UTRN: variants seen among roughly 807,000 people sequenced by gnomAD.
UTRN encodes dystrophin-related protein 1.
A neutral mutation model predicts 463.9 loss-of-function variants in UTRN; 283 were observed. That is an observed-to-expected ratio of 0.61 (90% CI 0.55 to 0.67). UTRN has a LOEUF of 0.67. Ranked by LOEUF, UTRN falls within the 30% of genes least tolerant of loss-of-function variation. The pLI is 0.00. For synonymous variants in UTRN, 1,442 were observed against 1,431.5 expected (o/e 1.01, Z -0.17); for missense variants, 3,922 against 4,084.3 (o/e 0.96, Z 1.08).
chr6:144,522,262 T>A, intron 40 of UTRN, 91 bp downstream of exon 40: 1 of 1,049,864 alleles, frequency 9.5e-7, no homozygotes. Flanking sequence ...ATGGTCTATA[T>A]CTTTTACAAT....
intron 34 of UTRN, among the ~76,000 whole-genome samples, chr6:144,502,593 A>G (rs774867438): frequency 4.6e-5 from 7 of 152,162 alleles, no homozygotes; most frequent in Admixed American, 2.6e-4. Flanking sequence ...ATGAACTCAC[A>G]TTTTTAATAG....
At chr6:144,754,569 C>A in intron 56 of UTRN, 151 bp from the exon 57 acceptor site, 1 of 294,016 alleles carries the variant, frequency 3.4e-6, no homozygotes, top group Non-Finnish European at 6.0e-6. Context: ...ACTCTGATAC[C>A]AGAGACAGAG....
At chr6:144,639,856 T>C (rs1015924037) in intron 51 of UTRN, among the ~76,000 whole-genome samples, 5 of 152,194 alleles carry the variant, frequency 3.3e-5, no homozygotes, top group African/African-American at 9.7e-5. Context: ...AAGCAGACTT[T>C]CCAGGGAAGA....
chr6:144,315,269 G>C (rs1775207675), intron 2 of UTRN, among the ~76,000 whole-genome samples: 1 of 152,210 alleles, frequency 6.6e-6, no homozygotes, highest in Admixed American at 6.5e-5. Flanking sequence ...GCGGGGTCAG[G>C]AAGTGGGGTC....
At chr6:144,307,118 A>G (rs1805812745) in intron 2 of UTRN, among the ~76,000 whole-genome samples, 1 of 152,026 alleles carries the variant, frequency 6.6e-6, no homozygotes, top group Non-Finnish European at 1.5e-5. Flanking sequence ...GTATTTTCTG[A>G]GATATTTTTG....
intron 51 of UTRN, among the ~76,000 whole-genome samples, chr6:144,614,992 C>G (rs935020869): frequency 6.6e-6 from 1 of 152,058 alleles, no homozygotes; most frequent in Non-Finnish European, 1.5e-5. Flanking sequence ...AACAAACCCC[C>G]CTCTTTCCCG....
chr6:144,655,183 A>G (rs577158399), intron 51 of UTRN, among the ~76,000 whole-genome samples: 2 of 152,290 alleles, frequency 1.3e-5, no homozygotes, highest in Admixed American at 1.3e-4. Context: ...TCATCAGGGG[A>G]CTCAGGCCTC....
At chr6:144,380,111 T>C (rs1317666856) in intron 2 of UTRN, among the ~76,000 whole-genome samples, 2 of 152,180 alleles carry the variant, frequency 1.3e-5, no homozygotes, top group Non-Finnish European at 2.9e-5. Flanking sequence ...ATGATTGTTA[T>C]TGAAATGCTT....
intron 3 of UTRN, among the ~76,000 whole-genome samples, chr6:144,414,499 T>C (rs1199551409): frequency 6.6e-6 from 1 of 152,264 alleles, no homozygotes; most frequent in East Asian, 1.9e-4. Context: ...ATTAAAGAAA[T>C]TGAAAAATTT....
chr6:144,430,914 G>A (rs1424811055), intron 9 of UTRN, among the ~76,000 whole-genome samples: 1 of 151,862 alleles, frequency 6.6e-6, no homozygotes, highest in Admixed American at 6.6e-5. Flanking sequence ...TTCAAAAATA[G>A]TGTGATTTAT....
chr6:144,635,143 T>TG (rs1191889038), intron 51 of UTRN, among the ~76,000 whole-genome samples: 1 of 148,856 alleles, frequency 6.7e-6, no homozygotes, highest in African/African-American at 2.5e-5. Context: ...TGTGTGTTTT[T>TG]TTTTTTTTTT....
chr6:144,732,331 A>C (rs1788780245), intron 54 of UTRN, among the ~76,000 whole-genome samples: 3 of 149,288 alleles, frequency 2.0e-5, no homozygotes, highest in Non-Finnish European at 3.0e-5. Flanking sequence ...ATACACACAC[A>C]CGTACATACT....
At chr6:144,455,981 C>A (rs139954568) in intron 19 of UTRN, among the ~76,000 whole-genome samples, 263 of 152,156 alleles carry the variant, frequency 1.7e-3, no homozygotes, top group African/African-American at 5.9e-3. Context: ...GTATACTTGC[C>A]CAATTTCATA....
rs116909972 is a variant in UTRN at position 144,310,246 on chromosome 6, T to C, written c.79+18339T>C. Among the ~76,000 whole-genome samples, 186 of 152,256 alleles carry C rather than the reference T, an allele frequency of 1.2e-3. 1 individual carries two copies. In the East Asian group the frequency reaches 0.029, roughly 24 times the overall value. ...TGAAACCCCATCTCTACAAAAGATA[T>C]AAAAATTGGTCTGGGTGCAGTGGCT... On this transcript the variant is annotated intron_variant, in intron 2 of 74. Transcript: ENST00000367545.
chr6:144,824,599 TATATATATATA>T (rs1562954940), intron 66 of UTRN, among the ~76,000 whole-genome samples: 33 of 58,820 alleles, frequency 5.6e-4, no homozygotes, highest in East Asian at 5.2e-3. Flanking sequence ...TATATATATA[TATATATATATA>T]TATCTTTTTT....
At chr6:144,660,611 A>C (rs1779775606) in intron 51 of UTRN, among the ~76,000 whole-genome samples, 1 of 152,184 alleles carries the variant, frequency 6.6e-6, no homozygotes, top group Non-Finnish European at 1.5e-5. Context: ...TCCAGCAAAA[A>C]ACACTGGGTA....
chr6:144,347,837 G>GTTTTT lies in UTRN; in HGVS notation c.80-55278_80-55274dup, dbSNP rs560581181. Among the ~76,000 whole-genome samples the GTTTTT allele has an allele frequency of 3.6e-3, 458 of 128,824 alleles. 49 individuals carry two copies. The highest frequency in any genetic ancestry group is 0.015 in the African/African-American group (433 of 29,396). 84.5% of individuals were successfully genotyped at this position (128,824 alleles called of 152,430 possible). A position where few individuals can be genotyped will look rare whatever the true frequency, so the allele number is the denominator to read the frequency against. ...TCTCCTGAACTGTGGCTTATTCTTT[G>GTTTTT]TTTTTTTTTTTTGTTTTTTTTTTTG... On this transcript the variant is annotated intron_variant, in intron 2 of 74. Coordinates refer to ENST00000367545, the MANE Select transcript of UTRN (RefSeq NM_007124.3).
At chr6:144,495,188 G>A (rs1028099453) in intron 33 of UTRN, among the ~76,000 whole-genome samples, 5 of 152,190 alleles carry the variant, frequency 3.3e-5, no homozygotes, top group East Asian at 1.9e-4. Flanking sequence ...AGTGGGCGCC[G>A]TGGAGCAGGG....
At chr6:144,659,324 A>G (rs1274808051) in intron 51 of UTRN, among the ~76,000 whole-genome samples, 2 of 152,182 alleles carry the variant, frequency 1.3e-5, no homozygotes, top group African/African-American at 4.8e-5. Context: ...TGATTAAAAT[A>G]ATAAACAACT....
Sources: gnomAD v4.1 joint callset for allele counts (sites outside exome capture counted in the v4.1 genomes callset) on GRCh38, gnomAD v4.1.1 for gene constraint, MANE v1.5 for transcripts, NCBI Gene and HGNC (gene_info 2026-07-23, HGNC 2026-07-21) for gene names.